Variants in MED17 observed in about 807,000 individuals in gnomAD.
MED17 encodes mediator of RNA polymerase II transcription subunit 17.
MED17 carries 49 observed loss-of-function variants against 80.8 expected under a neutral mutation model. The observed-to-expected ratio is 0.61, with a 90% CI of 0.48 to 0.77. MED17 has a LOEUF of 0.77. Among genes scored for constraint, MED17 ranks in the 30% least tolerant of loss-of-function variants. The pLI is 0.00. For synonymous variants in MED17, 281 were observed against 280.4 expected, an observed-to-expected ratio of 1.00 and a Z score of -0.02; for missense variants, 718 against 787.0, an observed-to-expected ratio of 0.91 and a Z score of 1.05.
At chr11:93,798,970 A>G (rs1591387183) in intron 8 of MED17, among the ~76,000 whole-genome samples, 1 of 152,152 alleles carries the variant, frequency 6.6e-6, no homozygotes, top group African/African-American at 2.4e-5. Flanking sequence ...TCAGAGTAGT[A>G]AGTGTAGCCT....
chr11:93,800,479 A>G (rs879744656), intron 8 of MED17, among the ~76,000 whole-genome samples: 2 of 152,042 alleles, frequency 1.3e-5, no homozygotes, highest in Non-Finnish European at 2.9e-5. Flanking sequence ...AAATAGAAAA[A>G]TTAGCCAGGC....
intron 7 of MED17, chr11:93,797,207 C>T (rs921320200): frequency 3.6e-6 from 1 of 278,250 alleles, no homozygotes; most frequent in African/African-American, 2.2e-5. Context: ...AAAATTAAAG[C>T]TTGAGATCCT....
chr11:93,813,162 G>T lies in MED17; in HGVS notation c.*1098G>T, dbSNP rs1944101119. 6.6e-6 allele frequency: 1 copy of T among 152,168 alleles called. No homozygotes were observed. The highest frequency in any genetic ancestry group is 2.1e-4 in the South Asian group (1 of 4,834). 9.4% of individuals were successfully genotyped at this position (152,168 alleles called of 1,614,324 possible). The stretch of plus-strand genomic sequence containing the variant: ...TAGATTTAGGCTCATAAGCCTTTTG[G>T]TAACACTGAAAGTAGTATCATATAG... On this transcript the variant is annotated 3_prime_UTR_variant, in exon 12 of 12. Coordinates refer to ENST00000251871, the MANE Select transcript of MED17 (RefSeq NM_004268.5).
At position 93,794,528 on chromosome 11, in the gene MED17, T is replaced by A; in HGVS notation, c.860-380T>A. ...TTTTAAGATTGGACTTATTTACTGGTTTTTTGTGTTAAAGAAGTGAGATTT... is the reference window on the plus strand; with the variant it reads ...TTTTAAGATTGGACTTATTTACTGGATTTTTGTGTTAAAGAAGTGAGATTT... On this transcript the variant is annotated intron_variant, in intron 5 of 11. Coordinates refer to ENST00000251871, the MANE Select transcript of MED17 (RefSeq NM_004268.5). 7.6e-6 allele frequency: 2 copies of A among 261,866 alleles called. 1 individual carries two copies. The highest frequency in any genetic ancestry group is 1.5e-5 in the Non-Finnish European group (2 of 136,288). The allele number at this position is 261,866 out of a possible 1,614,324, so 16.2% of individuals were successfully genotyped here.
intron 9 of MED17, among the ~76,000 whole-genome samples, chr11:93,802,608 C>T (rs1442306458): frequency 6.6e-6 from 1 of 152,186 alleles, no homozygotes; most frequent in Non-Finnish European, 1.5e-5. Flanking sequence ...TGCTTCAGTT[C>T]TTGCCTAATG....
intron 11 of MED17, chr11:93,810,765 T>G (rs1169889097): frequency 6.6e-6 from 1 of 152,270 alleles, no homozygotes; most frequent in East Asian, 1.9e-4. Context: ...TTACATAGCT[T>G]AAATTTACAT....
At chr11:93,785,140 G>A (rs1032988839) in intron 1 of MED17, among the ~76,000 whole-genome samples, 1 of 152,202 alleles carries the variant, frequency 6.6e-6, no homozygotes, top group African/African-American at 2.4e-5. Context: ...ATCCTTGTGC[G>A]GTGTGAATGA....
chr11:93,807,922 C>A, intron 10 of MED17: 1 of 426,422 alleles, frequency 2.3e-6, no homozygotes, highest in Non-Finnish European at 4.3e-6. Context: ...TGAAGGTTTA[C>A]AAAATCTCTA....
At position 93,814,483 on chromosome 11, in the gene MED17, G is replaced by C. The variant is rs1030460244; in HGVS notation, c.*2419G>C. 1 of 152,172 alleles carries C rather than the reference G, an allele frequency of 6.6e-6. No homozygotes were observed. Among genetic ancestry groups the C allele is most frequent in the Non-Finnish European group, 1.5e-5 (1 of 68,040 alleles). 9.4% of individuals were successfully genotyped at this position (152,172 alleles called of 1,614,324 possible). A position where few individuals can be genotyped will look rare whatever the true frequency, so the allele number is the denominator to read the frequency against. On this transcript the variant is annotated 3_prime_UTR_variant, in exon 12 of 12. Transcript: ENST00000251871. ...GGCAAGGAGCTGTGTTTGAATCTTG[G>C]CTCTGCTACTGGCTTGCTGTATGAA... is the stretch of plus-strand genomic sequence containing the variant.
chr11:93,790,880 T>A, intron 3 of MED17, 87 bp downstream of exon 3: 3 of 1,159,622 alleles, frequency 2.6e-6, no homozygotes, highest in Non-Finnish European at 1.3e-6. Context: ...GCCAAGGCAG[T>A]TGGATCACTT....
chr11:93,790,845 GC>G, intron 3 of MED17, 52 bp downstream of exon 3: 3 of 1,496,962 alleles, frequency 2.0e-6, no homozygotes, highest in South Asian at 1.1e-5. Context: ...GGTGGCTCAT[GC>G]GTGTAATCCT....
intron 8 of MED17, among the ~76,000 whole-genome samples, chr11:93,799,827 C>T (rs528973476): frequency 6.6e-6 from 1 of 152,120 alleles, no homozygotes; most frequent in East Asian, 1.9e-4. Context: ...AGTGAGATCT[C>T]TTGACATGCT....
chr11:93,796,817 A>T (rs1943908570), intron 7 of MED17: 1 of 410,712 alleles, frequency 2.4e-6, no homozygotes, highest in Non-Finnish European at 4.6e-6. Context: ...GGTGATTCTG[A>T]CCGGGGGAGT....
rs751677517 is a variant in MED17 at position 93,784,609 on chromosome 11, C to T, written c.96C>T (p.Pro32=). 3 of 1,601,744 alleles carry T rather than the reference C, an allele frequency of 1.9e-6. No individual in the cohort carries two copies. The highest frequency in any genetic ancestry group is 2.6e-6 in the Non-Finnish European group (3 of 1,175,508). ...VGLDGTETYL[P]PLSMSQNLAR... ...TGGATGGCACCGAGACGTACCTGCC[C>T]CCGCTGTCCATGTCGCAGAATCTGG... The change falls in exon 1 of 12, where the codon CCC becomes CCT. Residue 32 remains proline, a synonymous_variant. Transcript: ENST00000251871.
Position 93,804,020 on chromosome 11 carries a change from TATATATAC to T in MED17, c.1466+2050_1466+2057del, listed in dbSNP as rs1321909055. ...GTGTGTATATATATATATATATATATATATATACACACACACATATACACACGCACACA... is the reference window on the plus strand; with the variant it reads ...GTGTGTATATATATATATATATATATACACACACATATACACACGCACACA... On this transcript the variant is annotated intron_variant, in intron 9 of 11. Transcript: ENST00000251871. 7.1e-4 allele frequency among the ~76,000 whole-genome samples: 15 copies of T among 21,088 alleles called. 1 individual carries two copies. The highest frequency in any genetic ancestry group is 6.0e-3 in the East Asian group (2 of 332). 13.8% of individuals were successfully genotyped at this position (21,088 alleles called of 152,430 possible). A position where few individuals can be genotyped will look rare whatever the true frequency, so the allele number is the denominator to read the frequency against.
intron 8 of MED17, among the ~76,000 whole-genome samples, chr11:93,799,615 A>C (rs1349954259): frequency 6.6e-6 from 1 of 152,220 alleles, no homozygotes; most frequent in Non-Finnish European, 1.5e-5. Flanking sequence ...CTCTACAAAA[A>C]AATAAAAAAA....
rs868484901 is a variant in MED17, at chr11:93,803,128, C to T, written c.1466+1156C>T. Among the ~76,000 whole-genome samples the T allele has an allele frequency of 3.9e-5, 6 of 152,266 alleles. No homozygotes were observed. In the South Asian group the frequency reaches 1.2e-3, roughly 32 times the overall value. On this transcript the variant is annotated intron_variant, in intron 9 of 11. Transcript: ENST00000251871. The stretch of plus-strand genomic sequence containing the variant: ...CTGTGTAGCTGGGACTACAGGTGTG[C>T]ACTACGATACCCTTAGTTGCTTTAT...
rs988923903 is a variant in MED17, at chr11:93,813,666, A to T, written c.*1602A>T. 4 of 152,234 alleles carry T rather than the reference A, an allele frequency of 2.6e-5. No homozygotes were observed. Among genetic ancestry groups the T allele is most frequent in the Non-Finnish European group, 4.4e-5 (3 of 68,040 alleles). The allele number at this position is 152,234 out of a possible 1,614,324, so 9.4% of individuals were successfully genotyped here. A position where few individuals can be genotyped will look rare whatever the true frequency, so the allele number is the denominator to read the frequency against. On this transcript the variant is annotated 3_prime_UTR_variant, in exon 12 of 12. Coordinates refer to ENST00000251871, the MANE Select transcript of MED17 (RefSeq NM_004268.5). ...ATGAATTCCTAAAATGAAATTTTGA[A>T]AAGATACAAAATAAAAGCCCCATTT...
intron 1 of MED17, among the ~76,000 whole-genome samples, chr11:93,787,354 A>C (rs749765444): frequency 6.6e-5 from 10 of 152,196 alleles, no homozygotes; most frequent in South Asian, 6.2e-4. Context: ...TGGAGCTTGC[A>C]GTGAGCTGAG....
Sources: allele counts gnomAD v4.1 joint callset (sites outside exome capture counted in the v4.1 genomes callset), GRCh38; gene constraint gnomAD v4.1.1; transcripts MANE v1.5; gene names NCBI Gene and HGNC (gene_info 2026-07-23, HGNC 2026-07-21).